CRTC3: variants seen among roughly 807,000 people sequenced by gnomAD.
The protein encoded by CRTC3 is CREB regulated transcription coactivator 3, also known as CREB-regulated transcription coactivator 3.
CRTC3 carries 26 observed loss-of-function variants against 74.5 expected under a neutral mutation model. That is an observed-to-expected ratio of 0.35 (90% confidence interval 0.26 to 0.48). The LOEUF (loss-of-function observed/expected upper bound fraction) is 0.48, where lower values mean the gene tolerates loss of function less well. Among genes scored for constraint, CRTC3 ranks in the 20% least tolerant of loss-of-function variants. The probability of loss-of-function intolerance (pLI) is 0.99; values close to 1 mark genes in which losing one functional copy is unlikely to be tolerated. For missense variants in CRTC3, 760 were observed against 787.3 expected (o/e 0.97, Z 0.41); for synonymous variants, 377 against 325.8 (o/e 1.16, Z -1.69).
chr15:90,602,670 A>G (rs144757679), intron 4 of CRTC3, among the ~76,000 whole-genome samples: 1 of 151,986 alleles, frequency 6.6e-6, no homozygotes, highest in Non-Finnish European at 1.5e-5. Context: ...AACAACAACA[A>G]CAACAACAAC....
intron 9 of CRTC3, among the ~76,000 whole-genome samples, chr15:90,622,213 G>A (rs1323643231): frequency 1.3e-5 from 2 of 152,134 alleles, no homozygotes; most frequent in East Asian, 3.8e-4. Context: ...TTGAACCGGG[G>A]GGCGCATTAC....
At chr15:90,561,612 T>C (rs1683045887) in intron 2 of CRTC3, among the ~76,000 whole-genome samples, 1 of 152,158 alleles carries the variant, frequency 6.6e-6, no homozygotes. Flanking sequence ...TTAAATTCAA[T>C]CATATTAGTA....
At chr15:90,540,437 T>C (rs555821914) in intron 2 of CRTC3, among the ~76,000 whole-genome samples, 2 of 152,294 alleles carry the variant, frequency 1.3e-5, no homozygotes, top group South Asian at 4.1e-4. Context: ...TATCTATATT[T>C]TTCAAAATGC....
At chr15:90,619,895 C>A in intron 9 of CRTC3, 105 bp downstream of exon 9, 1 of 925,732 alleles carries the variant, frequency 1.1e-6, no homozygotes. Flanking sequence ...ACTTGCTATG[C>A]ATAAATTGAA....
chr15:90,630,756 A>T (rs75441898), intron 11 of CRTC3, among the ~76,000 whole-genome samples: 300 of 23,618 alleles, frequency 0.013, 49 homozygotes, highest in African/African-American at 0.027. Flanking sequence ...TTACAGCATC[A>T]TTTTTTTTTT....
intron 2 of CRTC3, among the ~76,000 whole-genome samples, chr15:90,576,191 C>G (rs1967399363): frequency 6.6e-6 from 1 of 151,914 alleles, no homozygotes; most frequent in Non-Finnish European, 1.5e-5. Context: ...ACCACTTGAG[C>G]CCAGGAAATT....
intron 6 of CRTC3, among the ~76,000 whole-genome samples, chr15:90,611,773 A>G (rs1596123941): frequency 6.6e-6 from 1 of 151,996 alleles, no homozygotes; most frequent in Admixed American, 6.5e-5. Context: ...GGACTATTGC[A>G]TTGGTTTTCT....
chr15:90,627,133 C>CGG (rs1968864453), intron 10 of CRTC3, among the ~76,000 whole-genome samples: 1 of 152,236 alleles, frequency 6.6e-6, no homozygotes, highest in Admixed American at 6.5e-5. Flanking sequence ...TGGTCCCCTT[C>CGG]AGGGGGGGTC....
chr15:90,609,755 A>G (rs1968315030), intron 6 of CRTC3, among the ~76,000 whole-genome samples: 1 of 152,250 alleles, frequency 6.6e-6, no homozygotes, highest in African/African-American at 2.4e-5. Context: ...TGAGGATGGA[A>G]TAAGAAAAGC....
chr15:90,574,121 A>G (rs1292466090), intron 2 of CRTC3, among the ~76,000 whole-genome samples: 3 of 152,218 alleles, frequency 2.0e-5, no homozygotes, highest in Admixed American at 1.3e-4. Flanking sequence ...TGACTTTGTC[A>G]TAATTTATTC....
chr15:90,644,041 C>G lies in CRTC3; in HGVS notation c.*1901C>G, dbSNP rs1949348012. The G allele has an allele frequency of 8.6e-6, 2 of 231,818 alleles. No individual in the cohort carries two copies. The highest frequency in any genetic ancestry group is 4.4e-5 in the African/African-American group (2 of 45,382). 14.4% of individuals were successfully genotyped at this position (231,818 alleles called of 1,614,324 possible). ...TTAAAATAACCCTCATGGGGTGCCCCTCCACCTTCCTCTGGAATCCAAGTA... is the reference window on the plus strand; with the variant it reads ...TTAAAATAACCCTCATGGGGTGCCCGTCCACCTTCCTCTGGAATCCAAGTA... On this transcript the variant is annotated 3_prime_UTR_variant, in exon 15 of 15. Coordinates refer to ENST00000268184, the MANE Select transcript of CRTC3 (RefSeq NM_022769.5).
At chr15:90,561,823 C>T (rs879370848) in intron 2 of CRTC3, among the ~76,000 whole-genome samples, 1 of 152,086 alleles carries the variant, frequency 6.6e-6, no homozygotes, top group Admixed American at 6.5e-5. Context: ...AGAATTGGTC[C>T]CTATGTTATG....
chr15:90,623,604 T>C (rs10048037), intron 9 of CRTC3, among the ~76,000 whole-genome samples: 38,611 of 151,974 alleles, frequency 0.25, 5,894 homozygotes, highest in African/African-American at 0.44. Context: ...AGCAGAGTCA[T>C]AGCGGCCTCT....
At chr15:90,624,088 T>A (rs529096658) in intron 9 of CRTC3, among the ~76,000 whole-genome samples, 1 of 152,168 alleles carries the variant, frequency 6.6e-6, no homozygotes, top group South Asian at 2.1e-4. Context: ...GTTATGCTCC[T>A]TATGGCTCAG....
rs77617148 is a variant in CRTC3 at position 90,612,018 on chromosome 15, C to T, written c.578-2435C>T. 3.8e-3 allele frequency among the ~76,000 whole-genome samples: 564 copies of T among 146,658 alleles called. 6 individuals are homozygous for T. The highest frequency in any genetic ancestry group is 0.033 in the East Asian group (160 of 4,786). On this transcript the variant is annotated intron_variant, in intron 6 of 14. Coordinates refer to ENST00000268184, the MANE Select transcript of CRTC3 (RefSeq NM_022769.5). ...CTTCTCCTTCTTATCCTTCCCCAAC[C>T]ACCCCCCACTCCTCCTCCTCCTCCT... is the stretch of plus-strand genomic sequence containing the variant.
chr15:90,593,801 T>G (rs754349857), intron 3 of CRTC3, 46 bp downstream of exon 3: 3 of 1,549,426 alleles, frequency 1.9e-6, no homozygotes, highest in Non-Finnish European at 8.8e-7. Context: ...CTGAAATGTT[T>G]GAAAAGTTTT....
intron 6 of CRTC3, among the ~76,000 whole-genome samples, chr15:90,612,423 T>G (rs1968385341): frequency 6.6e-6 from 1 of 152,008 alleles, no homozygotes; most frequent in Non-Finnish European, 1.5e-5. Context: ...CATGAAGCCT[T>G]CCTTCTGTTC....
intron 2 of CRTC3, among the ~76,000 whole-genome samples, chr15:90,571,028 T>G (rs761925910): frequency 1.3e-5 from 2 of 152,226 alleles, no homozygotes; most frequent in Non-Finnish European, 2.9e-5. Context: ...CCTCCCCTTT[T>G]CTACGTTCCT....
intron 11 of CRTC3, among the ~76,000 whole-genome samples, chr15:90,632,783 T>C (rs1969087671): frequency 6.6e-6 from 1 of 152,190 alleles, no homozygotes; most frequent in South Asian, 2.1e-4. Flanking sequence ...TTTTGTATTT[T>C]TAGTAGATAC....
Sources: gnomAD v4.1 joint callset for allele counts (sites outside exome capture counted in the v4.1 genomes callset) on GRCh38, gnomAD v4.1.1 for gene constraint, MANE v1.5 for transcripts, NCBI Gene and HGNC (gene_info 2026-07-23, HGNC 2026-07-21) for gene names.